The following AP1M2 variants were observed in gnomAD, a reference collection of about 807,000 sequenced individuals.
AP1M2 encodes adaptor related protein complex 1 subunit mu 2, also known as AP-1 complex subunit mu-2.
A neutral mutation model predicts 54.6 loss-of-function variants in AP1M2; 41 were observed. The observed-to-expected ratio is 0.75, with a 90% confidence interval of 0.59 to 0.97. AP1M2 has a LOEUF of 0.97. Among genes scored for constraint, AP1M2 ranks in the 50% least tolerant of loss-of-function variants. The pLI is 0.00. For missense variants in AP1M2, 507 were observed against 561.2 expected (o/e 0.90, Z 0.98); for synonymous variants, 219 against 215.9 (o/e 1.01, Z -0.13).
intron 1 of AP1M2, 36 bp from the exon 2 acceptor site, chr19:10,584,106 C>G: frequency 6.3e-7 from 1 of 1,593,448 alleles, no homozygotes; most frequent in South Asian, 1.1e-5. Context: ...TCACCACCAG[C>G]ATCCAAGAAC....
intron 1 of AP1M2, among the ~76,000 whole-genome samples, chr19:10,585,313 AAGAAAGAAAG>A (rs2071551880): frequency 2.7e-5 from 4 of 147,448 alleles, no homozygotes; most frequent in Admixed American, 6.8e-5. Flanking sequence ...GAAAGAAAGA[AAGAAAGAAAG>A]AAAGAAAGAA....
At chr19:10,581,444 A>C in intron 5 of AP1M2, 43 bp downstream of exon 5, 1 of 1,610,918 alleles carries the variant, frequency 6.2e-7, no homozygotes, top group Middle Eastern at 1.7e-4. Context: ...CGTCTCCTGC[A>C]GCCAGGCCGT....
intron 3 of AP1M2, among the ~76,000 whole-genome samples, chr19:10,582,860 G>A (rs1917509649): frequency 6.7e-6 from 1 of 148,800 alleles, no homozygotes; most frequent in African/African-American, 2.5e-5. Context: ...AAGTCTCACA[G>A]TGTTGCCCAG....
At chr19:10,576,237 G>A (rs993345275) in intron 9 of AP1M2, among the ~76,000 whole-genome samples, 8 of 144,006 alleles carry the variant, frequency 5.6e-5, no homozygotes, top group Admixed American at 3.6e-4. Flanking sequence ...TACTACAGGC[G>A]CACACCCCCA....
intron 9 of AP1M2, 31 bp downstream of exon 9, chr19:10,577,167 C>A: frequency 5.7e-6 from 9 of 1,587,292 alleles, no homozygotes; most frequent in Non-Finnish European, 7.7e-6. Flanking sequence ...CCCCTCCACC[C>A]CCAGATCCCC....
At chr19:10,573,397 C>T (rs553807486) in intron 11 of AP1M2, among the ~76,000 whole-genome samples, 3 of 151,874 alleles carry the variant, frequency 2.0e-5, no homozygotes, top group South Asian at 2.1e-4. Context: ...CCAGCCTGGG[C>T]GACAGAGTGA....
intron 9 of AP1M2, among the ~76,000 whole-genome samples, chr19:10,575,912 C>T (rs1273584960): frequency 1.4e-5 from 2 of 147,480 alleles, no homozygotes; most frequent in Admixed American, 1.4e-4. Context: ...ACTACAGGCG[C>T]CCGCCACCAC....
intron 7 of AP1M2, among the ~76,000 whole-genome samples, 187 bp from the exon 8 acceptor site, chr19:10,579,150 C>G (rs1397103190): frequency 6.6e-6 from 1 of 151,546 alleles, no homozygotes; most frequent in African/African-American, 2.4e-5. Flanking sequence ...GGAGCGGTGG[C>G]TCACGCCTGT....
intron 8 of AP1M2, among the ~76,000 whole-genome samples, chr19:10,578,393 A>G (rs1229861538): frequency 1.3e-5 from 2 of 151,900 alleles, no homozygotes; most frequent in Non-Finnish European, 2.9e-5. Flanking sequence ...GAGGTAGGAG[A>G]ATGGCATGAA....
rs1457570800 is a variant in AP1M2, at chr19:10,586,983, T to TA, written c.42+206_42+207insT. ...GTGGGGACCTCTGTTGCTCCCATTTTTACATACAGAGAAACTGAGGCCCTA... is the reference window on the plus strand; with the variant it reads ...GTGGGGACCTCTGTTGCTCCCATTTTATACATACAGAGAAACTGAGGCCCTA... On this transcript the variant is annotated intron_variant, in intron 1 of 11. Coordinates refer to ENST00000250244, the MANE Select transcript of AP1M2 (RefSeq NM_005498.5). Among the ~76,000 whole-genome samples the TA allele has an allele frequency of 7.9e-5, 12 of 152,270 alleles. No homozygotes were observed. The East Asian group carries it at 2.3e-3, about 29-fold the overall frequency.
chr19:10,576,546 G>GCCAC (rs1917240894), intron 9 of AP1M2, among the ~76,000 whole-genome samples: 1 of 152,044 alleles, frequency 6.6e-6, no homozygotes, highest in South Asian at 2.1e-4. Context: ...ACAGGCGTGA[G>GCCAC]CCACCGTGCC....
Position 10,574,954 on chromosome 19 carries a change from G to A in AP1M2, c.1123C>T (p.Pro375Ser). 2 of 1,594,704 alleles carry A rather than the reference G, an allele frequency of 1.3e-6. No individual in the cohort carries two copies. Among genetic ancestry groups the A allele is most frequent in the Non-Finnish European group, 8.6e-7 (1 of 1,169,146 alleles). Reference sequence around the variant, plus strand: ...GGGATCTCAAACTTGACCCCGATGGGGGGCCGGCCCTCCACCTCTTCCTTT... The same window carrying A: ...GGGATCTCAAACTTGACCCCGATGGAGGGCCGGCCCTCCACCTCTTCCTTT... ...VEKEEVEGRP[P>S]IGVKFEIPYF... is the part of the protein sequence containing the mutation. Residue 375 changes from proline (P) to serine (S), a missense_variant, in exon 10 of 12, where the codon CCC (proline) becomes TCC (serine). By Grantham distance (74) the Pro-to-Ser change is moderately conservative. Coordinates refer to ENST00000250244, the MANE Select transcript of AP1M2 (RefSeq NM_005498.5).
chr19:10,585,286 A>AGAAAGAAAGAAAGAAAGAAG lies in AP1M2; in HGVS notation c.43-1217_43-1216insCTTCTTTCTTTCTTTCTTTC, dbSNP rs1568434720. Among the ~76,000 whole-genome samples, 218 of 58,124 alleles carry AGAAAGAAAGAAAGAAAGAAG rather than the reference A, an allele frequency of 3.8e-3. 10 individuals are homozygous for AGAAAGAAAGAAAGAAAGAAG. The highest frequency in any genetic ancestry group is 0.013 in the African/African-American group (186 of 14,556). The allele number at this position is 58,124 out of a possible 152,430, so 38.1% of individuals were successfully genotyped here. A position where few individuals can be genotyped will look rare whatever the true frequency, so the allele number is the denominator to read the frequency against. ...AAGGAAAGAAAGAAAGAAGAAAAAA[A>AGAAAGAAAGAAAGAAAGAAG]GAAAGAAAGAAAGAAAGAAAGAAAG... On this transcript the variant is annotated intron_variant, in intron 1 of 11. Transcript: ENST00000250244.
Position 10,581,622 on chromosome 19 carries a change from C to T in AP1M2, c.411G>A (p.Gln137=). ...DSKILQEYIT[Q]QSNKLETGKS... is the part of the protein sequence containing the mutation. ...TGCCCGTCTCCAGCTTGTTGCTCTG[C>T]TGAGTGATGTACCTGGAGGGAGGGC... is the stretch of plus-strand genomic sequence containing the variant. The change falls in exon 5 of 12, where the codon CAG becomes CAA. Residue 137 remains glutamine, a synonymous_variant. Transcript: ENST00000250244. 1.2e-6 allele frequency: 2 copies of T among 1,613,932 alleles called. No individual in the cohort carries two copies. Among genetic ancestry groups the T allele is most frequent in the Non-Finnish European group, 1.7e-6 (2 of 1,179,942 alleles).
At position 10,572,809 on chromosome 19, in the gene AP1M2, A is replaced by C; in HGVS notation, c.*257T>G. 1 of 418,198 alleles carries C rather than the reference A, an allele frequency of 2.4e-6. No individual in the cohort carries two copies. The highest frequency in any genetic ancestry group is 4.3e-6 in the Non-Finnish European group (1 of 230,292). 25.9% of individuals were successfully genotyped at this position (418,198 alleles called of 1,614,324 possible). On this transcript the variant is annotated 3_prime_UTR_variant, in exon 12 of 12. Transcript: ENST00000250244. ...AGAAGGCACTCGCGAGGAGGACTTC[A>C]AGCCCCTCTTCTATTTCTTCATATA... is the stretch of plus-strand genomic sequence containing the variant.
chr19:10,579,572 T>A, intron 7 of AP1M2, 144 bp downstream of exon 7: 1 of 916,316 alleles, frequency 1.1e-6, no homozygotes, highest in Non-Finnish European at 1.6e-6. Flanking sequence ...CAGGCTGGTC[T>A]CGAACTCCTG....
chr19:10,585,216 A>T (rs1020891387), intron 1 of AP1M2, among the ~76,000 whole-genome samples: 37 of 150,814 alleles, frequency 2.5e-4, no homozygotes, highest in African/African-American at 9.0e-4. Flanking sequence ...CCCTGTCAAA[A>T]AAAGAAAGAA....
rs1284670174 is a variant in AP1M2, at chr19:10,574,463, A to G, written c.1203T>C (p.Ser401=). ...QVRYMKIIEK[S]GYQALPWVRY... is the part of the protein sequence containing the mutation. ...GAACCCAGGGCAGGGCCTGGTAACC[A>G]CTTTTCTCAATGATCTTCATGTATC... The change falls in exon 11 of 12, where the codon AGT becomes AGC. Residue 401 remains serine (S), a synonymous_variant. Transcript: ENST00000250244. 7 of 1,564,284 alleles carry G rather than the reference A, an allele frequency of 4.5e-6. No individual in the cohort carries two copies. Among genetic ancestry groups the G allele is most frequent in the Admixed American group, 1.9e-5 (1 of 52,296 alleles).
intron 1 of AP1M2, 108 bp downstream of exon 1, chr19:10,587,082 A>AGG: frequency 8.3e-7 from 1 of 1,200,384 alleles, no homozygotes; most frequent in Non-Finnish European, 1.2e-6. Flanking sequence ...TTGCAGGGGG[A>AGG]GGGGGTGTTC....
Sources: allele counts gnomAD v4.1 joint callset (sites outside exome capture counted in the v4.1 genomes callset), GRCh38; gene constraint gnomAD v4.1.1; transcripts MANE v1.5; gene names NCBI Gene and HGNC (gene_info 2026-07-23, HGNC 2026-07-21).